The following LRRIQ4 variants were observed in gnomAD, a reference collection of about 807,000 sequenced individuals.
The protein encoded by LRRIQ4 is leucine rich repeats and IQ motif containing 4, also known as leucine-rich repeat and IQ domain-containing protein 4.
In LRRIQ4, 21 loss-of-function variants were observed where a neutral mutation model predicts 40.1. The ratio of observed to expected loss-of-function variants is 0.52; its 90% CI spans 0.37 to 0.75. The LOEUF is 0.75. Among genes scored for constraint, LRRIQ4 ranks in the 30% least tolerant of loss-of-function variants. The pLI is 0.00. For synonymous variants in LRRIQ4, 277 were observed against 277.1 expected, an observed-to-expected ratio of 1.00 and a Z score of 0.00; for missense variants, 655 against 660.0, an observed-to-expected ratio of 0.99 and a Z score of 0.08.
At chr3:169,828,654 G>C in intron 2 of LRRIQ4, 105 bp from the exon 3 acceptor site, 1 of 967,818 alleles carries the variant, frequency 1.0e-6, no homozygotes, top group Admixed American at 2.5e-5. Context: ...GAGAGGCTAA[G>C]TTACTCCACT....
chr3:169,814,090 G>A (rs1429744731), intron 1 of LRRIQ4, among the ~76,000 whole-genome samples: 7 of 152,154 alleles, frequency 4.6e-5, no homozygotes, highest in Admixed American at 2.6e-4. Flanking sequence ...AGGACAGAGG[G>A]CTTTCTGTTT....
At chr3:169,815,217 G>T (rs1779739455) in intron 1 of LRRIQ4, among the ~76,000 whole-genome samples, 1 of 152,120 alleles carries the variant, frequency 6.6e-6, no homozygotes, top group Non-Finnish European at 1.5e-5. Context: ...TCTGTAAATT[G>T]CTTTGGATAA....
chr3:169,820,392 G>A (rs1279794581), intron 1 of LRRIQ4, among the ~76,000 whole-genome samples: 3 of 151,704 alleles, frequency 2.0e-5, no homozygotes, highest in Non-Finnish European at 4.4e-5. Context: ...TTTCACTAAA[G>A]ATTATCTTTA....
intron 2 of LRRIQ4, among the ~76,000 whole-genome samples, chr3:169,825,165 G>A (rs1300251966): frequency 1.3e-5 from 2 of 151,700 alleles, no homozygotes; most frequent in East Asian, 3.9e-4. Flanking sequence ...CTGCCACCAC[G>A]CCCGGCTAAT....
At chr3:169,824,366 AT>A (rs1301315308) in intron 2 of LRRIQ4, among the ~76,000 whole-genome samples, 1 of 151,956 alleles carries the variant, frequency 6.6e-6, no homozygotes, top group Non-Finnish European at 1.5e-5. Context: ...AAGAAAGCAA[AT>A]GGGGAAGAGA....
At chr3:169,829,269 A>G (rs1357105566) in intron 3 of LRRIQ4, among the ~76,000 whole-genome samples, 1 of 152,196 alleles carries the variant, frequency 6.6e-6, no homozygotes, top group Non-Finnish European at 1.5e-5. Flanking sequence ...TTTTGAAGTT[A>G]AAGAGTATCA....
In LRRIQ4 at chr3:169,828,950, A is replaced by G; in HGVS notation, c.1194+18A>G. 6.3e-7 allele frequency: 1 copy of G among 1,596,880 alleles called. No homozygotes were observed. The highest frequency in any genetic ancestry group is 1.4e-5 in the African/African-American group (1 of 73,882). On this transcript the variant is annotated intron_variant, in intron 3 of 5. Coordinates refer to ENST00000340806, the MANE Select transcript of LRRIQ4 (RefSeq NM_001080460.3). ...AACTGCAGGTAAGCCTCCCCAAATG[A>G]GCAGGCTAAGAAGCACCTGTCACTG...
intron 2 of LRRIQ4, among the ~76,000 whole-genome samples, chr3:169,824,855 A>C (rs1181412629): frequency 2.0e-5 from 3 of 152,180 alleles, no homozygotes; most frequent in South Asian, 2.1e-4. Context: ...TGTTAAGAGC[A>C]AAAGACAACT....
At chr3:169,814,640 T>C (rs1189880727) in intron 1 of LRRIQ4, among the ~76,000 whole-genome samples, 1 of 152,022 alleles carries the variant, frequency 6.6e-6, no homozygotes, top group Non-Finnish European at 1.5e-5. Flanking sequence ...CGCCCCCCAC[T>C]ACGCCCAGCT....
chr3:169,832,461 C>A, intron 4 of LRRIQ4, among the ~76,000 whole-genome samples: 1 of 145,164 alleles, frequency 6.9e-6, no homozygotes, highest in African/African-American at 2.6e-5. Context: ...GAGCTAGACT[C>A]TGTCTCAAAA....
At chr3:169,821,780 A>C (rs1239196681) in intron 1 of LRRIQ4, 111 bp from the exon 2 acceptor site, 2 of 546,416 alleles carry the variant, frequency 3.7e-6, no homozygotes, top group East Asian at 6.8e-5. Flanking sequence ...TTCTGTCATA[A>C]TTTCAAGCAC....
intron 5 of LRRIQ4, among the ~76,000 whole-genome samples, 187 bp from the exon 6 acceptor site, chr3:169,837,292 T>C (rs1235661723): frequency 6.6e-6 from 1 of 152,230 alleles, no homozygotes; most frequent in Non-Finnish European, 1.5e-5. Context: ...AAACAATAAA[T>C]GCATTTTTTA....
intron 4 of LRRIQ4, among the ~76,000 whole-genome samples, chr3:169,832,682 C>T (rs1235518712): frequency 6.7e-6 from 1 of 149,460 alleles, no homozygotes; most frequent in African/African-American, 2.5e-5. Flanking sequence ...TTAGGAACAG[C>T]AGGGTCTGAG....
chr3:169,822,620 T>C lies in LRRIQ4; in HGVS notation c.699T>C (p.Cys233=). 1 of 1,614,010 alleles carries C rather than the reference T, an allele frequency of 6.2e-7. No homozygotes were observed. The highest frequency in any genetic ancestry group is 8.5e-7 in the Non-Finnish European group (1 of 1,179,894). Residue 233 remains cysteine, a synonymous_variant, in exon 2 of 6, where the codon TGT becomes TGC. Coordinates refer to ENST00000340806, the MANE Select transcript of LRRIQ4 (RefSeq NM_001080460.3). The part of the protein sequence containing the change: ...LPVLPASLCQ[C]SQLSVLDLSH... Reference sequence around the variant, plus strand: ...TTCTGCCCGCGTCCTTGTGCCAGTGTAGCCAACTGTCGGTGCTCGATTTAT... The same window carrying C: ...TTCTGCCCGCGTCCTTGTGCCAGTGCAGCCAACTGTCGGTGCTCGATTTAT...
intron 1 of LRRIQ4, among the ~76,000 whole-genome samples, chr3:169,814,153 G>A (rs1393836632): frequency 6.6e-6 from 1 of 152,136 alleles, no homozygotes; most frequent in African/African-American, 2.4e-5. Context: ...CAGTGGGCTT[G>A]GAGAATGAGT....
rs764416585 is a variant in LRRIQ4 at position 169,822,372 on chromosome 3, G to A, written c.451G>A (p.Gly151Arg). ...LHHLELLGLT[G>R]NHLKCLPKEI... ...CCATCTCGAGCTGCTCGGACTGACC[G>A]GAAACCACCTGAAATGTCTGCCCAA... is the stretch of plus-strand genomic sequence containing the variant. The change falls in exon 2 of 6, where the codon GGA (glycine) becomes AGA (arginine). Residue 151 changes from glycine to arginine, a missense_variant. Gly to Arg is a moderately radical substitution (Grantham distance 125). Transcript: ENST00000340806. 6.2e-7 allele frequency: 1 copy of A among 1,612,536 alleles called. No individual in the cohort carries two copies. Among genetic ancestry groups the A allele is most frequent in the Non-Finnish European group, 8.5e-7 (1 of 1,179,350 alleles).
At chr3:169,828,729 C>T in intron 2 of LRRIQ4, 30 bp from the exon 3 acceptor site, 1 of 1,595,726 alleles carries the variant, frequency 6.3e-7, no homozygotes, top group African/African-American at 1.4e-5. Flanking sequence ...TAATCTTGAC[C>T]TGAAACTTAT....
In LRRIQ4 at chr3:169,822,176, C is replaced by T. The variant is rs749331849; in HGVS notation, c.255C>T (p.Ser85=). The change falls in exon 2 of 6, where the codon AGC becomes AGT. Residue 85 remains serine (S), a synonymous_variant. Transcript: ENST00000340806. ...ACCTGGATAAGAACAACCTGAGGAG[C>T]CTGTGCCCGGCGCTGGGGCTGCTGA... ...VLYLDKNNLR[S]LCPALGLLSS... is the part of the protein sequence containing the mutation. 1 of 1,609,020 alleles carries T rather than the reference C, an allele frequency of 6.2e-7. No individual in the cohort carries two copies. Among genetic ancestry groups the T allele is most frequent in the Non-Finnish European group, 8.5e-7 (1 of 1,178,680 alleles).
rs1779902644 is a variant in LRRIQ4, at chr3:169,822,022, A to G, written c.101A>G (p.Asn34Ser). 1 of 1,598,694 alleles carries G rather than the reference A, an allele frequency of 6.3e-7. No individual in the cohort carries two copies. Among genetic ancestry groups the G allele is most frequent in the Non-Finnish European group, 8.5e-7 (1 of 1,175,062 alleles). Residue 34 changes from asparagine to serine, a missense_variant, in exon 2 of 6, where the codon AAT becomes AGT. Transcript: ENST00000340806. ...NDRTFFIDAS[N>S]QSLTAIPLEI... Reference sequence around the variant, plus strand: ...AGAACATTTTTCATTGATGCCTCTAATCAGAGCTTGACTGCCATTCCTTTG... The same window carrying G: ...AGAACATTTTTCATTGATGCCTCTAGTCAGAGCTTGACTGCCATTCCTTTG...
Sources: allele counts gnomAD v4.1 joint callset (sites outside exome capture counted in the v4.1 genomes callset), GRCh38; gene constraint gnomAD v4.1.1; transcripts MANE v1.5; gene names NCBI Gene and HGNC (gene_info 2026-07-23, HGNC 2026-07-21).